Variants in IQGAP1 observed in about 807,000 individuals in gnomAD.
The protein encoded by IQGAP1 is IQ motif containing GTPase activating protein 1.
Under a neutral mutation model 215.6 loss-of-function variants are expected in IQGAP1, and 66 were observed. The ratio of observed to expected loss-of-function variants is 0.31; its 90% CI spans 0.25 to 0.38. The LOEUF is 0.38. Among genes scored for constraint, IQGAP1 ranks in the 10% least tolerant of loss-of-function variants. The pLI is 1.00. For synonymous variants in IQGAP1, 772 were observed against 728.7 expected, an observed-to-expected ratio of 1.06 and a Z score of -0.96; for missense variants, 1,712 against 1,997.1, an observed-to-expected ratio of 0.86 and a Z score of 2.72.
intron 4 of IQGAP1, 36 bp downstream of exon 4, chr15:90,429,702 C>T (rs749647524): frequency 2.1e-6 from 3 of 1,404,128 alleles, no homozygotes; most frequent in East Asian, 4.7e-5. Flanking sequence ...GGCTTTGTTC[C>T]AGCTGTTGTG....
At chr15:90,488,267 G>A (rs1387213672) in intron 33 of IQGAP1, among the ~76,000 whole-genome samples, 2 of 117,516 alleles carry the variant, frequency 1.7e-5, no homozygotes, top group Non-Finnish European at 3.5e-5. Flanking sequence ...TAAATAAAAT[G>A]TTGTAGTATT....
intron 2 of IQGAP1, among the ~76,000 whole-genome samples, chr15:90,398,649 CT>C (rs1161789011): frequency 6.6e-6 from 1 of 152,126 alleles, no homozygotes; most frequent in Non-Finnish European, 1.5e-5. Flanking sequence ...GCTGAGAATA[CT>C]GATGTTAGCT....
At chr15:90,392,180 C>G (rs896837704) in intron 2 of IQGAP1, among the ~76,000 whole-genome samples, 6 of 152,110 alleles carry the variant, frequency 3.9e-5, no homozygotes, top group Non-Finnish European at 5.9e-5. Flanking sequence ...TTTGCATGCC[C>G]TCTTGTGTCT....
intron 18 of IQGAP1, among the ~76,000 whole-genome samples, chr15:90,469,881 G>A (rs191613144): frequency 5.3e-5 from 8 of 152,258 alleles, no homozygotes; most frequent in South Asian, 4.1e-4. Context: ...AAGGAGAGGC[G>A]AATGGTGTAT....
Position 90,448,582 on chromosome 15 carries a change from C to T in IQGAP1, c.923C>T (p.Ala308Val), listed in dbSNP as rs140748246. 1.3e-6 allele frequency: 2 copies of T among 1,584,988 alleles called. No individual in the cohort carries two copies. The highest frequency in any genetic ancestry group is 3.7e-5 in the Admixed American group (2 of 54,370). The change falls in exon 10 of 38, where the codon GCA becomes GTA. Residue 308 changes from alanine to valine, a missense_variant. Ala to Val is a moderately conservative substitution (Grantham distance 64). Coordinates refer to ENST00000268182, the MANE Select transcript of IQGAP1 (RefSeq NM_003870.4). The part of the protein sequence containing the change: ...GNINKVNTFS[A>V]LANIDLALEQ... ...TGCCTTTTTTCCTCAGCATTTTCTG[C>T]ATTAGCAAATATCGACCTGGCTTTA...
intron 2 of IQGAP1, among the ~76,000 whole-genome samples, chr15:90,423,967 G>A (rs550777536): frequency 1.3e-5 from 2 of 151,996 alleles, no homozygotes; most frequent in East Asian, 3.9e-4. Flanking sequence ...TATCTACTGT[G>A]CTCTTTATCC....
intron 33 of IQGAP1, among the ~76,000 whole-genome samples, chr15:90,488,770 C>T (rs373601473): frequency 3.1e-4 from 47 of 152,066 alleles, no homozygotes; most frequent in African/African-American, 1.0e-3. Flanking sequence ...AGAGGGCATT[C>T]GAGGCAGGAG....
Position 90,491,575 on chromosome 15 carries a change from G to A in IQGAP1, c.4461+30G>A, listed in dbSNP as rs763771838. The A allele has an allele frequency of 1.3e-5, 20 of 1,586,596 alleles. 1 individual carries two copies. The highest frequency in any genetic ancestry group is 7.8e-5 in the South Asian group (7 of 90,250). Reference sequence around the variant, plus strand: ...TGCATTCGGGGGACAGAGGGGACCCGGCCTTGTTCAAAGCTGAGAGGCTCG... The same window carrying A: ...TGCATTCGGGGGACAGAGGGGACCCAGCCTTGTTCAAAGCTGAGAGGCTCG... On this transcript the variant is annotated intron_variant, in intron 34 of 37. Transcript: ENST00000268182.
At chr15:90,440,708 C>T (rs563447997) in intron 7 of IQGAP1, 93 bp downstream of exon 7, 2 of 787,128 alleles carry the variant, frequency 2.5e-6, no homozygotes, top group East Asian at 2.7e-5. Context: ...CATTATGAAT[C>T]TTGCCAGCAA....
At chr15:90,481,455 T>A (rs1372488721) in intron 26 of IQGAP1, among the ~76,000 whole-genome samples, 1 of 152,080 alleles carries the variant, frequency 6.6e-6, no homozygotes, top group Non-Finnish European at 1.5e-5. Context: ...ACGGGGTCTG[T>A]CATGGCCTGC....
rs956432162 is a variant in IQGAP1 at position 90,460,095 on chromosome 15, G to A, written c.1776+3780G>A. Among the ~76,000 whole-genome samples, 4 of 151,276 alleles carry A rather than the reference G, an allele frequency of 2.6e-5. No individual in the cohort carries two copies. The South Asian group carries it at 8.4e-4, about 32-fold the overall frequency. ...GTCCCGATGCAGACCCCAAGAGATG[G>A]TTCTTGGATCTCACACAAGAAAGAA... On this transcript the variant is annotated intron_variant, in intron 15 of 37. Coordinates refer to ENST00000268182, the MANE Select transcript of IQGAP1 (RefSeq NM_003870.4).
Position 90,466,084 on chromosome 15 carries a change from A to G in IQGAP1, c.1860A>G (p.Ala620=). ...AGTCCAACAAAGACACCCAAGAAGC[A>G]CAGAAGTGTATGTATCACCTGTTTT... ...IWQSNKDTQE[A]QKFALGIFAI... Residue 620 remains alanine, a synonymous_variant, in exon 16 of 38, where the codon GCA becomes GCG. Transcript: ENST00000268182. 6.2e-7 allele frequency: 1 copy of G among 1,613,964 alleles called. No individual in the cohort carries two copies. The highest frequency in any genetic ancestry group is 8.5e-7 in the Non-Finnish European group (1 of 1,179,824).
intron 2 of IQGAP1, among the ~76,000 whole-genome samples, chr15:90,413,353 A>T (rs1417119756): frequency 6.6e-6 from 1 of 152,216 alleles, no homozygotes; most frequent in Non-Finnish European, 1.5e-5. Flanking sequence ...GAATTTACTG[A>T]CAGCAGTATA....
chr15:90,481,644 C>A (rs1489562461), intron 26 of IQGAP1, among the ~76,000 whole-genome samples: 1 of 152,184 alleles, frequency 6.6e-6, no homozygotes, highest in East Asian at 1.9e-4. Context: ...AACTGATTTA[C>A]AGCACAATAG....
At chr15:90,480,062 A>G (rs980392788) in intron 26 of IQGAP1, among the ~76,000 whole-genome samples, 9 of 152,132 alleles carry the variant, frequency 5.9e-5, no homozygotes, top group African/African-American at 1.7e-4. Flanking sequence ...GTGGGTACCT[A>G]TAAGAAACTG....
intron 5 of IQGAP1, among the ~76,000 whole-genome samples, chr15:90,438,549 T>A (rs1965401525): frequency 2.0e-5 from 3 of 152,162 alleles, no homozygotes; most frequent in Non-Finnish European, 4.4e-5. Context: ...TATCTAAAAC[T>A]GTTAAATTAC....
At chr15:90,472,255 A>G (rs1965915983) in intron 18 of IQGAP1, among the ~76,000 whole-genome samples, 1 of 152,206 alleles carries the variant, frequency 6.6e-6, no homozygotes, top group South Asian at 2.1e-4. Context: ...AGCCTGGATG[A>G]CAGAATGAAA....
At chr15:90,405,380 T>C (rs1244590580) in intron 2 of IQGAP1, among the ~76,000 whole-genome samples, 1 of 152,220 alleles carries the variant, frequency 6.6e-6, no homozygotes. Flanking sequence ...TGTAGTAAAG[T>C]TGGCGTTGAG....
At chr15:90,427,805 C>A (rs150719196) in intron 3 of IQGAP1, among the ~76,000 whole-genome samples, 17 of 152,074 alleles carry the variant, frequency 1.1e-4, no homozygotes, top group Middle Eastern at 3.4e-3. Flanking sequence ...ACCTGTGAAT[C>A]CTTATTTGAA....
Sources: gnomAD v4.1 joint callset for allele counts (sites outside exome capture counted in the v4.1 genomes callset) on GRCh38, gnomAD v4.1.1 for gene constraint, MANE v1.5 for transcripts, NCBI Gene and HGNC (gene_info 2026-07-23, HGNC 2026-07-21) for gene names.